The following PPP2R3A variants were observed in gnomAD, a reference collection of about 807,000 sequenced individuals.
The protein encoded by PPP2R3A is protein phosphatase 2 regulatory subunit B''alpha, also known as serine/threonine-protein phosphatase 2A regulatory subunit B'' subunit alpha.
In PPP2R3A, 80 loss-of-function variants were observed where a neutral mutation model predicts 106.9. The ratio of observed to expected loss-of-function variants is 0.75; its 90% CI spans 0.62 to 0.90. The LOEUF (loss-of-function observed/expected upper bound fraction) is 0.90, where lower values mean the gene tolerates loss of function less well. Ranked by LOEUF, PPP2R3A falls within the 40% of genes least tolerant of loss-of-function variation. The pLI is 0.00. For missense variants in PPP2R3A, 1,386 were observed against 1,350.4 expected, an observed-to-expected ratio of 1.03 and a Z score of -0.41; for synonymous variants, 483 against 468.3, an observed-to-expected ratio of 1.03 and a Z score of -0.41.
Position 136,145,181 on chromosome 3 carries a change from A to G in PPP2R3A, c.*15A>G, listed in dbSNP as rs1939068403. The stretch of plus-strand genomic sequence containing the variant: ...ATGAAGAATAGCTGCCGGTGTCTAC[A>G]ATGAAACGAAGATGTGTATTTTAAA... On this transcript the variant is annotated 3_prime_UTR_variant, in exon 14 of 14. Coordinates refer to ENST00000264977, the MANE Select transcript of PPP2R3A (RefSeq NM_002718.5). The G allele has an allele frequency of 6.3e-7, 1 of 1,597,556 alleles. No homozygotes were observed. Among genetic ancestry groups the G allele is most frequent in the African/African-American group, 1.4e-5 (1 of 73,804 alleles).
intron 2 of PPP2R3A, among the ~76,000 whole-genome samples, chr3:136,014,055 T>C (rs1024152440): frequency 2.0e-5 from 3 of 152,192 alleles, no homozygotes; most frequent in African/African-American, 7.2e-5. Flanking sequence ...TTCTTCTGCA[T>C]GTGATTTGCC....
intron 6 of PPP2R3A, among the ~76,000 whole-genome samples, chr3:136,074,827 C>G (rs1936545843): frequency 6.6e-6 from 1 of 152,184 alleles, no homozygotes; most frequent in South Asian, 2.1e-4. Context: ...AAGAGCTTAC[C>G]AACTCTTCCC....
In PPP2R3A at chr3:136,055,745, T is replaced by C. The variant is rs973704073; in HGVS notation, c.2469+6384T>C. The C allele has an allele frequency of 1.2e-4, 81 of 673,080 alleles. No individual in the cohort carries two copies. In the South Asian group the frequency reaches 1.5e-3, roughly 13 times the overall value. 41.7% of individuals were successfully genotyped at this position (673,080 alleles called of 1,614,324 possible). On this transcript the variant is annotated intron_variant, in intron 5 of 13. Transcript: ENST00000264977. ...ATACCACTACTTGGGAAATCATCTT[T>C]ATGGAATGTGGTGATGAGAATTTTT...
intron 13 of PPP2R3A, among the ~76,000 whole-genome samples, chr3:136,111,265 A>G (rs1372454039): frequency 3.3e-5 from 5 of 152,194 alleles, no homozygotes; most frequent in Admixed American, 6.5e-5. Flanking sequence ...TCTTATTTGT[A>G]TAAGAGTAGA....
chr3:136,014,775 G>A (rs7433567), intron 2 of PPP2R3A, among the ~76,000 whole-genome samples: 35,093 of 151,904 alleles, frequency 0.23, 4,868 homozygotes, highest in Non-Finnish European at 0.32. Context: ...AGCAAACAGC[G>A]ACAGTTTGAC....
At chr3:136,038,381 A>T (rs541318726) in intron 3 of PPP2R3A, among the ~76,000 whole-genome samples, 1 of 152,276 alleles carries the variant, frequency 6.6e-6, no homozygotes, top group East Asian at 1.9e-4. Flanking sequence ...CAGAGACTTA[A>T]TCCTCCTTAT....
chr3:136,039,462 T>A (rs1935186312), intron 3 of PPP2R3A, among the ~76,000 whole-genome samples: 1 of 152,108 alleles, frequency 6.6e-6, no homozygotes, highest in Non-Finnish European at 1.5e-5. Flanking sequence ...AGACAGTTTT[T>A]CCATGGATGG....
chr3:136,010,082 A>T (rs546628384), intron 2 of PPP2R3A, among the ~76,000 whole-genome samples: 2 of 151,940 alleles, frequency 1.3e-5, no homozygotes, highest in South Asian at 4.2e-4. Flanking sequence ...CATCTTTCCC[A>T]TCCTCACCCT....
chr3:136,102,300 A>G lies in PPP2R3A; in HGVS notation c.3103+118A>G, dbSNP rs1041410742. The G allele has an allele frequency of 7.2e-6, 8 of 1,109,026 alleles. No individual in the cohort carries two copies. The African/African-American group carries it at 1.3e-4, about 18-fold the overall frequency. 68.7% of individuals were successfully genotyped at this position (1,109,026 alleles called of 1,614,324 possible). On this transcript the variant is annotated intron_variant, in intron 11 of 13. Coordinates refer to ENST00000264977, the MANE Select transcript of PPP2R3A (RefSeq NM_002718.5). Reference sequence around the variant, plus strand: ...GAGTCTTGATAGAAGACTTCCTAGGACAGAAGTGTTTAAAGTTTCTCCTTG... The same window carrying G: ...GAGTCTTGATAGAAGACTTCCTAGGGCAGAAGTGTTTAAAGTTTCTCCTTG...
chr3:136,026,837 A>G lies in PPP2R3A; in HGVS notation c.2001A>G (p.Gln667=). Reference sequence around the variant, plus strand: ...TAATCTTATTTTTCTTTTAGATTCAAAATAAACCAGAAAAGAAACCTGGAA... The same window carrying G: ...TAATCTTATTTTTCTTTTAGATTCAGAATAAACCAGAAAAGAAACCTGGAA... ...IQQTPEVIKI[Q]NKPEKKPGTP... is the part of the protein sequence containing the mutation. Residue 667 remains glutamine (Q), a synonymous_variant, in exon 3 of 14, where the codon CAA becomes CAG. Transcript: ENST00000264977. 6.2e-7 allele frequency: 1 copy of G among 1,601,396 alleles called. No homozygotes were observed. The highest frequency in any genetic ancestry group is 8.5e-7 in the Non-Finnish European group (1 of 1,174,918).
chr3:136,021,226 GA>G (rs1934453944), intron 2 of PPP2R3A, among the ~76,000 whole-genome samples: 1 of 152,002 alleles, frequency 6.6e-6, no homozygotes, highest in African/African-American at 2.4e-5. Flanking sequence ...GGAGTGTAAG[GA>G]AAAAATATGG....
chr3:136,036,903 T>C (rs1028810804), intron 3 of PPP2R3A, among the ~76,000 whole-genome samples: 5 of 152,240 alleles, frequency 3.3e-5, no homozygotes, highest in African/African-American at 1.2e-4. Flanking sequence ...TTTTCGACAG[T>C]TCTTTACTAT....
intron 13 of PPP2R3A, among the ~76,000 whole-genome samples, chr3:136,126,413 G>A (rs1475367983): frequency 2.0e-5 from 3 of 152,226 alleles, no homozygotes; most frequent in Non-Finnish European, 4.4e-5. Context: ...TAGCTGGGCT[G>A]GGGGAGGGTT....
chr3:136,122,421 A>C (rs1338804685), intron 13 of PPP2R3A, among the ~76,000 whole-genome samples: 1 of 152,194 alleles, frequency 6.6e-6, no homozygotes, highest in Non-Finnish European at 1.5e-5. Flanking sequence ...GCATATAGTC[A>C]AGTCCCACAG....
rs1470424115 is a variant in PPP2R3A at position 136,001,537 on chromosome 3, C to T, written c.39C>T (p.Asn13=). ...ATYRLVVSTV[N]HYSSVVIDRR... ...ACAGACTTGTGGTTAGTACTGTGAA[C>T]CACTACAGCAGCGTGGTGATAGACC... The change falls in exon 2 of 14, where the codon AAC becomes AAT. Residue 13 remains asparagine (N), a synonymous_variant. Coordinates refer to ENST00000264977, the MANE Select transcript of PPP2R3A (RefSeq NM_002718.5). The T allele has an allele frequency of 6.2e-7, 1 of 1,614,030 alleles. No individual in the cohort carries two copies. Among genetic ancestry groups the T allele is most frequent in the Non-Finnish European group, 8.5e-7 (1 of 1,180,012 alleles).
intron 11 of PPP2R3A, among the ~76,000 whole-genome samples, 189 bp downstream of exon 11, chr3:136,102,371 C>T (rs1182241165): frequency 8.2e-6 from 1 of 122,508 alleles, no homozygotes; most frequent in Non-Finnish European, 1.6e-5. Context: ...TTTTGAGATG[C>T]AGTCTCGCTT....
intron 1 of PPP2R3A, among the ~76,000 whole-genome samples, chr3:135,971,512 T>C (rs1937246150): frequency 6.6e-6 from 1 of 152,118 alleles, no homozygotes; most frequent in Non-Finnish European, 1.5e-5. Flanking sequence ...ATATAAGGGG[T>C]GGAAAATGCC....
rs1933733483 is a variant in PPP2R3A, at chr3:136,003,562, GA to G, written c.1995+74del. The G allele has an allele frequency of 2.8e-6, 4 of 1,429,258 alleles. No individual in the cohort carries two copies. The African/African-American group carries it at 5.8e-5, about 21-fold the overall frequency. 88.5% of individuals were successfully genotyped at this position (1,429,258 alleles called of 1,614,324 possible). ...GTTTAGTGTTTGAAAATTTTATAAA[GA>G]AAAACTTTTTTGTTAGCCATTTTTT... On this transcript the variant is annotated intron_variant, in intron 2 of 13. Coordinates refer to ENST00000264977, the MANE Select transcript of PPP2R3A (RefSeq NM_002718.5).
chr3:136,147,389 A>ACAT lies in PPP2R3A; in HGVS notation c.*2225_*2227dup, dbSNP rs1225568416. The ACAT allele has an allele frequency of 6.6e-6, 1 of 152,646 alleles. No homozygotes were observed. Among genetic ancestry groups the ACAT allele is most frequent in the Non-Finnish European group, 1.5e-5 (1 of 68,042 alleles). 9.5% of individuals were successfully genotyped at this position (152,646 alleles called of 1,614,324 possible). On this transcript the variant is annotated 3_prime_UTR_variant, in exon 14 of 14. Transcript: ENST00000264977. ...CTTACAAAGTCTCTATTATAAAAGT[A>ACAT]CATCCATCAATACCATTCCATTTAA...
Sources: allele counts gnomAD v4.1 joint callset (sites outside exome capture counted in the v4.1 genomes callset), GRCh38; gene constraint gnomAD v4.1.1; transcripts MANE v1.5; gene names NCBI Gene and HGNC (gene_info 2026-07-23, HGNC 2026-07-21).